CHLSN: variants seen among roughly 807,000 people sequenced by gnomAD.
CHLSN encodes cholesin.
the CHLSN span, among the ~76,000 whole-genome samples, chr7:1,100,143 G>GCCA: frequency 2.0e-5 from 3 of 152,220 alleles, no homozygotes; most frequent in Non-Finnish European, 4.4e-5. Flanking sequence ...TGCTATACAT[G>GCCA]CCACTTGCCT....
At chr7:1,066,230 G>C in the CHLSN span, among the ~76,000 whole-genome samples, 1 of 152,164 alleles carries the variant, frequency 6.6e-6, no homozygotes, top group Middle Eastern at 3.4e-3. Flanking sequence ...CAGGCCCACA[G>C]AAGGGGACCG....
chr7:1,001,898 T>C, the CHLSN span, among the ~76,000 whole-genome samples: 1 of 88,600 alleles, frequency 1.1e-5, no homozygotes, highest in Non-Finnish European at 2.2e-5. Flanking sequence ...AGTGGAGTCC[T>C]GTGGGTGGGG....
At chr7:1,055,582 T>G in the CHLSN span, 1 of 380,316 alleles carries the variant, frequency 2.6e-6, no homozygotes, top group Non-Finnish European at 5.3e-6. Flanking sequence ...GCAGCACAGG[T>G]GGGAGAGAGG....
the CHLSN span, chr7:987,654 G>C: frequency 1.1e-6 from 1 of 944,744 alleles, no homozygotes; most frequent in South Asian, 1.8e-5. Context: ...CCCGACCGGA[G>C]GCAATAAAGG....
chr7:1,080,319 G>A, the CHLSN span, among the ~76,000 whole-genome samples: 12 of 152,370 alleles, frequency 7.9e-5, no homozygotes, highest in African/African-American at 1.9e-4. Context: ...CCACGATGGC[G>A]GGACACAGAC....
the CHLSN span, chr7:1,093,509 G>C: frequency 2.1e-6 from 1 of 470,812 alleles, no homozygotes. Flanking sequence ...TCGGCCCGGA[G>C]CAGCAGGAAG....
chr7:988,225 C>T, the CHLSN span: 2 of 1,533,604 alleles, frequency 1.3e-6, no homozygotes, highest in South Asian at 1.2e-5. Context: ...AACCCAGGCC[C>T]CATCCCATCT....
chr7:1,110,528 C>G, the CHLSN span, among the ~76,000 whole-genome samples: 6 of 152,248 alleles, frequency 3.9e-5, no homozygotes, highest in African/African-American at 1.4e-4. Context: ...GCCACGTCTT[C>G]CCATGGCTCC....
the CHLSN span, among the ~76,000 whole-genome samples, chr7:1,052,708 G>A: frequency 1.3e-5 from 2 of 152,068 alleles, no homozygotes; most frequent in African/African-American, 4.8e-5. This position sits in a 1 kb window ranked among gnomAD's most constrained non-coding sequence, Gnocchi z 4.2. Context: ...GGCCCCGGAA[G>A]CTGAATATCA....
the CHLSN span, among the ~76,000 whole-genome samples, chr7:1,040,170 A>T: frequency 8.5e-6 from 1 of 117,092 alleles, no homozygotes; most frequent in African/African-American, 4.4e-5. Flanking sequence ...AATTATCAAT[A>T]AAAAAATAAA....
chr7:1,049,502 C>T, the CHLSN span, among the ~76,000 whole-genome samples: 7 of 152,360 alleles, frequency 4.6e-5, no homozygotes, highest in African/African-American at 1.4e-4. Flanking sequence ...GCTCAGCCTG[C>T]AGTGCACATG....
the CHLSN span, among the ~76,000 whole-genome samples, chr7:1,019,058 G>T: frequency 6.6e-6 from 1 of 152,110 alleles, no homozygotes; most frequent in South Asian, 2.1e-4. Context: ...AGCCGGGCAT[G>T]GTGGTGCACG....
At chr7:1,097,250 C>T in the CHLSN span, among the ~76,000 whole-genome samples, 33 of 152,228 alleles carry the variant, frequency 2.2e-4, no homozygotes, top group African/African-American at 6.5e-4. The surrounding 1 kb of genome is among the most constrained non-coding windows in gnomAD (Gnocchi z 4.3). Flanking sequence ...CCCAGGACTC[C>T]GGGAGAAATG....
the CHLSN span, among the ~76,000 whole-genome samples, chr7:1,066,424 G>C: frequency 6.6e-6 from 1 of 152,254 alleles, no homozygotes; most frequent in Non-Finnish European, 1.5e-5. Flanking sequence ...CAGGGGAGCG[G>C]AGGATACTGC....
chr7:1,136,669 A>G, the CHLSN span, among the ~76,000 whole-genome samples: 28 of 148,332 alleles, frequency 1.9e-4, no homozygotes, highest in East Asian at 5.9e-4. Context: ...GTGTATATAT[A>G]TAACTATATA....
At chr7:1,005,681 G>A in the CHLSN span, among the ~76,000 whole-genome samples, 13 of 152,382 alleles carry the variant, frequency 8.5e-5, no homozygotes, top group East Asian at 1.4e-3. Flanking sequence ...AGGCCACGGG[G>A]TGCAAGGAAG....
the CHLSN span, among the ~76,000 whole-genome samples, chr7:1,116,718 C>T: frequency 1.7e-5 from 1 of 57,358 alleles, no homozygotes; most frequent in Non-Finnish European, 3.0e-5. Flanking sequence ...CTTCCATCAC[C>T]GACGTCCACG....
At chr7:1,042,930 C>A in the CHLSN span, among the ~76,000 whole-genome samples, 1 of 151,902 alleles carries the variant, frequency 6.6e-6, no homozygotes. Context: ...GTGACCTGGG[C>A]TAAGTTGCTT....
chr7:1,034,749 T>A, the CHLSN span, among the ~76,000 whole-genome samples: 1 of 152,024 alleles, frequency 6.6e-6, no homozygotes, highest in Non-Finnish European at 1.5e-5. Context: ...ATTTTTCACC[T>A]TCTCTCCCTC....
Sources: gnomAD v4.1 joint callset for allele counts (sites outside exome capture counted in the v4.1 genomes callset) on GRCh38, gnomAD v4.1.1 for gene constraint, Gnocchi (gnomAD v3.1) non-coding constraint, MANE v1.5 for transcripts, NCBI Gene and HGNC (gene_info 2026-07-23, HGNC 2026-07-21) for gene names.